The following ESRRB variants were observed in gnomAD, a reference collection of about 807,000 sequenced individuals.
The protein encoded by ESRRB is steroid hormone receptor ERR2.
In ESRRB, 16 loss-of-function variants were observed where a neutral mutation model predicts 46.0. The ratio of observed to expected loss-of-function variants is 0.35; its 90% CI spans 0.24 to 0.53. The LOEUF (loss-of-function observed/expected upper bound fraction) is 0.53, where lower values mean the gene tolerates loss of function less well. ESRRB is among the 20% of genes least tolerant of loss of function. The pLI is 0.93. For missense variants in ESRRB, 488 were observed against 607.4 expected (o/e 0.80, Z 2.07); for synonymous variants, 246 against 259.6 (o/e 0.95, Z 0.50).
chr14:76,371,046 T>G (rs185216960), upstream of ESRRB, among the ~76,000 whole-genome samples: 706 of 152,348 alleles, frequency 4.6e-3, 7 homozygotes, highest in Middle Eastern at 0.01. Flanking sequence ...CAAGCATTTA[T>G]CCACTCAAGA....
intron 1 of ESRRB, among the ~76,000 whole-genome samples, chr14:76,414,589 C>T (rs1167014319): frequency 1.3e-5 from 2 of 150,290 alleles, no homozygotes; most frequent in Non-Finnish European, 2.9e-5. Context: ...CCCCACTCCC[C>T]CAACCAGTCA....
chr14:76,460,655 C>T (rs1888811675), intron 2 of ESRRB, among the ~76,000 whole-genome samples: 1 of 151,916 alleles, frequency 6.6e-6, no homozygotes, highest in Non-Finnish European at 1.5e-5. Flanking sequence ...CGAAGAGACA[C>T]AATACCAAAA....
chr14:76,327,933 C>A (rs1002816367), intron 1 of ESRRB, among the ~76,000 whole-genome samples: 7 of 151,952 alleles, frequency 4.6e-5, no homozygotes, highest in African/African-American at 1.7e-4. Context: ...AGGCTGGTCT[C>A]GAACTCCTGA....
At chr14:76,328,398 G>T (rs1286231825) in intron 1 of ESRRB, among the ~76,000 whole-genome samples, 1 of 152,188 alleles carries the variant, frequency 6.6e-6, no homozygotes, top group African/African-American at 2.4e-5. Context: ...CTGAGTCGGG[G>T]ACCAGGACCA....
At chr14:76,391,716 G>A (rs1885477112) in intron 1 of ESRRB, among the ~76,000 whole-genome samples, 1 of 152,236 alleles carries the variant, frequency 6.6e-6, no homozygotes, top group Admixed American at 6.5e-5. Context: ...TGAGGTAGAA[G>A]TTTAGATACA....
intron 2 of ESRRB, among the ~76,000 whole-genome samples, chr14:76,455,253 C>T (rs1168732166): frequency 6.6e-6 from 1 of 152,070 alleles, no homozygotes; most frequent in African/African-American, 2.4e-5. Flanking sequence ...AATGAAGGAT[C>T]ACAGTCACTG....
chr14:76,364,494 G>A (rs1884498966), intron 1 of ESRRB, among the ~76,000 whole-genome samples: 1 of 152,096 alleles, frequency 6.6e-6, no homozygotes, highest in South Asian at 2.1e-4. Context: ...TTCAAGACCA[G>A]CTTGGCCAAC....
At chr14:76,352,011 C>CAAAAAAAAAAAAAAAAAAAAA (rs1884319857) in intron 1 of ESRRB, among the ~76,000 whole-genome samples, 6 of 109,056 alleles carry the variant, frequency 5.5e-5, no homozygotes, top group East Asian at 4.8e-4. Flanking sequence ...AAAAAAAAAG[C>CAAAAAAAAAAAAAAAAAAAAA]AAACTCCAAG....
intron 1 of ESRRB, among the ~76,000 whole-genome samples, chr14:76,405,166 T>A (rs1037507675): frequency 1.3e-5 from 2 of 152,112 alleles, no homozygotes; most frequent in African/African-American, 2.4e-5. Context: ...AGTGGCGTGA[T>A]CAGAGCTCAC....
intron 1 of ESRRB, among the ~76,000 whole-genome samples, chr14:76,346,087 A>C (rs1884246476): frequency 6.6e-6 from 1 of 152,300 alleles, no homozygotes; most frequent in East Asian, 1.9e-4. Flanking sequence ...TAGACATATC[A>C]TTAGGGCCCG....
chr14:76,381,386 G>A (rs1042207241), intron 1 of ESRRB, among the ~76,000 whole-genome samples: 1 of 152,104 alleles, frequency 6.6e-6, no homozygotes, highest in African/African-American at 2.4e-5. Flanking sequence ...AATAATGGCA[G>A]GGCTGTCCTG....
intron 1 of ESRRB, among the ~76,000 whole-genome samples, chr14:76,359,500 A>T (rs1180572451): frequency 1.3e-5 from 2 of 152,210 alleles, no homozygotes; most frequent in Non-Finnish European, 2.9e-5. Context: ...CTATTAGGTC[A>T]GTCCTATCAG....
At chr14:76,321,263 A>G (rs927202910) in intron 1 of ESRRB, among the ~76,000 whole-genome samples, 10 of 152,104 alleles carry the variant, frequency 6.6e-5, no homozygotes, top group African/African-American at 2.4e-4. Context: ...ATAGTCTTCC[A>G]CCCAAATTTC....
rs1014005093 is a variant in ESRRB at position 76,447,826 on chromosome 14, G to C, written c.460+8076G>C. Among the ~76,000 whole-genome samples, 2 of 151,912 alleles carry C rather than the reference G, an allele frequency of 1.3e-5. 1 individual carries two copies. The highest frequency in any genetic ancestry group is 2.9e-5 in the Non-Finnish European group (2 of 67,978). Reference sequence around the variant, plus strand: ...GTCTTCCTTCCCCTGCTTCAGCTCAGGCCACCGCTGACTCCCACCGCTTCC... The same window carrying C: ...GTCTTCCTTCCCCTGCTTCAGCTCACGCCACCGCTGACTCCCACCGCTTCC... On this transcript the variant is annotated intron_variant, in intron 2 of 6. Transcript: ENST00000644823.
At chr14:76,413,884 G>A (rs1053019181) in intron 1 of ESRRB, among the ~76,000 whole-genome samples, 3 of 8,894 alleles carry the variant, frequency 3.4e-4, no homozygotes, top group African/African-American at 1.4e-3. Context: ...ACCGTCCCCC[G>A]CCCCTGCACC....
chr14:76,355,800 C>T (rs558784886), intron 1 of ESRRB, among the ~76,000 whole-genome samples: 12 of 152,262 alleles, frequency 7.9e-5, no homozygotes, highest in African/African-American at 2.9e-4. Context: ...ATGTTAGTTC[C>T]CCATCTTCCT....
At chr14:76,368,923 G>A (rs909813915), upstream of ESRRB, among the ~76,000 whole-genome samples, 154 of 152,244 alleles carry the variant, frequency 1.0e-3, no homozygotes, top group African/African-American at 3.5e-3. Context: ...TTGGCTGGTC[G>A]TGGTGGCTCA....
At chr14:76,350,117 C>A (rs965377801) in intron 1 of ESRRB, among the ~76,000 whole-genome samples, 15 of 152,178 alleles carry the variant, frequency 9.9e-5, no homozygotes, top group Admixed American at 3.9e-4. Context: ...AAATTCCCAT[C>A]CTGGGGGAGG....
chr14:76,327,915 T>C (rs1433582211), intron 1 of ESRRB, among the ~76,000 whole-genome samples: 1 of 152,072 alleles, frequency 6.6e-6, no homozygotes, highest in Non-Finnish European at 1.5e-5. Flanking sequence ...GGTTTCACCA[T>C]GTTGGCCAGG....
Sources: gnomAD v4.1 joint callset for allele counts (sites outside exome capture counted in the v4.1 genomes callset) on GRCh38, gnomAD v4.1.1 for gene constraint, MANE v1.5 for transcripts, NCBI Gene and HGNC (gene_info 2026-07-23, HGNC 2026-07-21) for gene names.